The following MARCOL variants were observed in gnomAD, a reference collection of about 807,000 sequenced individuals.
The protein encoded by MARCOL is MARCO like.
intron 1 of MARCOL, 139 bp from the exon 2 acceptor site, chr5:148,242,307 A>G: frequency 2.6e-6 from 1 of 387,694 alleles, no homozygotes; most frequent in Non-Finnish European, 4.6e-6. Context: ...AAGAATGAGA[A>G]GATTCTATCT....
rs1310277041 is a variant in MARCOL at position 148,240,629 on chromosome 5, GAA to G, written c.50-1815_50-1814del. Among the ~76,000 whole-genome samples, 8 of 151,840 alleles carry G rather than the reference GAA, an allele frequency of 5.3e-5. No individual in the cohort carries two copies. The East Asian group carries it at 1.2e-3, about 22-fold the overall frequency. ...ACTCGTGTCACCTGTTAAAAAAACT[GAA>G]AGTCATTAATAAAAATATGTTACCA... On this transcript the variant is annotated intron_variant, in intron 1 of 1. Transcript: ENST00000638089.
chr5:148,243,284 T>G lies in MARCOL; in HGVS notation c.*30T>G. ...CTAGCCAGCAAGGGAATATAGGATC[T>G]CCTAGCCAACAGGAGAAGCCAGAGT... On this transcript the variant is annotated 3_prime_UTR_variant, in exon 2 of 2. Transcript: ENST00000638089. The G allele has an allele frequency of 2.5e-6, 1 of 397,120 alleles. No homozygotes were observed. Among genetic ancestry groups the G allele is most frequent in the Admixed American group, 4.4e-5 (1 of 22,588 alleles). The allele number at this position is 397,120 out of a possible 1,614,324, so 24.6% of individuals were successfully genotyped here.
chr5:148,242,603 G>A lies in MARCOL; in HGVS notation c.207G>A (p.Thr69=), dbSNP rs895604978. 7.5e-6 allele frequency: 3 copies of A among 398,162 alleles called. No homozygotes were observed. Among genetic ancestry groups the A allele is most frequent in the African/African-American group, 4.1e-5 (2 of 48,568 alleles). 24.7% of individuals were successfully genotyped at this position (398,162 alleles called of 1,614,324 possible). Residue 69 remains threonine (T), a synonymous_variant, in exon 2 of 2, where the codon ACG becomes ACA. Transcript: ENST00000638089. The stretch of plus-strand genomic sequence containing the variant: ...GTTATACACAAGGAAATCCAGGAAC[G>A]TTTAGGCTTCAAGGACAACCAGGCT... ...GGSYTQGNPG[T]FRLQGQPGYF...
At chr5:148,240,803 A>G (rs912525588) in intron 1 of MARCOL, among the ~76,000 whole-genome samples, 7 of 151,930 alleles carry the variant, frequency 4.6e-5, no homozygotes, top group African/African-American at 1.7e-4. Context: ...ATTTTTTCTC[A>G]TTAATTTCTC....
intron 1 of MARCOL, among the ~76,000 whole-genome samples, chr5:148,241,680 A>C (rs1175648446): frequency 6.6e-6 from 1 of 152,088 alleles, no homozygotes; most frequent in African/African-American, 2.4e-5. Flanking sequence ...CATACACACA[A>C]TTACATATAT....
chr5:148,243,555 T>A lies in MARCOL; in HGVS notation c.*301T>A. On this transcript the variant is annotated 3_prime_UTR_variant, in exon 2 of 2. Coordinates refer to ENST00000638089, the MANE Select transcript of MARCOL (RefSeq NM_001363511.2). ...TAGCCATCAGAGAAAATTAAGGTCA[T>A]TTTACAACCAACGACAAAGAAAAAA... 3.3e-6 allele frequency: 1 copy of A among 303,282 alleles called. No homozygotes were observed. Among genetic ancestry groups the A allele is most frequent in the Non-Finnish European group, 6.0e-6 (1 of 166,418 alleles). The allele number at this position is 303,282 out of a possible 1,614,324, so 18.8% of individuals were successfully genotyped here.
chr5:148,242,054 C>T (rs1755971849), intron 1 of MARCOL, among the ~76,000 whole-genome samples: 1 of 152,088 alleles, frequency 6.6e-6, no homozygotes, highest in Admixed American at 6.6e-5. Context: ...TAAAGTGAAG[C>T]TGGAAAATTA....
In MARCOL at chr5:148,243,087, C is replaced by G. The variant is rs76423020; in HGVS notation, c.691C>G (p.Pro231Ala). ...AGGAACTTCTGGCCAACAGGAGAAG[C>G]CAGGATCTTCTAGCCAACAGGGGAA... is the stretch of plus-strand genomic sequence containing the variant. Reference protein sequence around the residue: ...NLGTSGQQEKPGSSSQQGKPG... With the variant: ...NLGTSGQQEKAGSSSQQGKPG... Residue 231 changes from proline to alanine, a missense_variant, in exon 2 of 2, where the codon CCA becomes GCA. By Grantham distance (27) the Pro-to-Ala change is conservative. Coordinates refer to ENST00000638089, the MANE Select transcript of MARCOL (RefSeq NM_001363511.2). 3.3e-3 allele frequency: 1,318 copies of G among 396,628 alleles called. 37 individuals are homozygous for G. In the East Asian group the frequency reaches 0.047, roughly 14 times the overall value. The allele number at this position is 396,628 out of a possible 1,614,324, so 24.6% of individuals were successfully genotyped here. A position where few individuals can be genotyped will look rare whatever the true frequency, so the allele number is the denominator to read the frequency against.
chr5:148,241,182 C>G (rs1008956864), intron 1 of MARCOL, among the ~76,000 whole-genome samples: 21 of 151,840 alleles, frequency 1.4e-4, no homozygotes, highest in Admixed American at 5.9e-4. Context: ...TGACTAGGAC[C>G]TTAATCACCT....
intron 1 of MARCOL, among the ~76,000 whole-genome samples, chr5:148,239,026 A>T (rs1235039741): frequency 1.3e-5 from 2 of 152,068 alleles, no homozygotes; most frequent in Non-Finnish European, 2.9e-5. Flanking sequence ...AATGTGTTCA[A>T]ATCTTGATGT....
intron 1 of MARCOL, among the ~76,000 whole-genome samples, chr5:148,241,576 T>C (rs1259979503): frequency 6.6e-6 from 1 of 150,738 alleles, no homozygotes; most frequent in Non-Finnish European, 1.5e-5. Context: ...AATACTCTTA[T>C]ACTTAGCTCT....
Position 148,243,390 on chromosome 5 carries a change from T to G in MARCOL, c.*136T>G, listed in dbSNP as rs919322141. On this transcript the variant is annotated 3_prime_UTR_variant, in exon 2 of 2. Coordinates refer to ENST00000638089, the MANE Select transcript of MARCOL (RefSeq NM_001363511.2). ...ATCTAGCCAACAAGGGAAGCCAGTGTCATCTAGCCAACAAGGGAAGCCAGG... is the reference window on the plus strand; with the variant it reads ...ATCTAGCCAACAAGGGAAGCCAGTGGCATCTAGCCAACAAGGGAAGCCAGG... 5.0e-6 allele frequency: 2 copies of G among 397,198 alleles called. No homozygotes were observed. Among genetic ancestry groups the G allele is most frequent in the Non-Finnish European group, 8.9e-6 (2 of 225,790 alleles). 24.6% of individuals were successfully genotyped at this position (397,198 alleles called of 1,614,324 possible).
Position 148,242,687 on chromosome 5 carries a change from C to A in MARCOL, c.291C>A (p.Asn97Lys), listed in dbSNP as rs558085215. 2 of 398,362 alleles carry A rather than the reference C, an allele frequency of 5.0e-6. No homozygotes were observed. Among genetic ancestry groups the A allele is most frequent in the Admixed American group, 8.8e-5 (2 of 22,684 alleles). 24.7% of individuals were successfully genotyped at this position (398,362 alleles called of 1,614,324 possible). The change falls in exon 2 of 2, where the codon AAC becomes AAA. Residue 97 changes from asparagine to lysine, a missense_variant. Asn to Lys is a moderately conservative substitution (Grantham distance 94, BLOSUM62 0). Transcript: ENST00000638089. ...HFKQGRAGVLNQPGILKNSGK... is the reference protein window; with the variant it reads ...HFKQGRAGVLKQPGILKNSGK... Reference sequence around the variant, plus strand: ...AGCAAGGGAGAGCAGGAGTTTTAAACCAGCCTGGGATTTTAAAGAATTCAG... The same window carrying A: ...AGCAAGGGAGAGCAGGAGTTTTAAAACAGCCTGGGATTTTAAAGAATTCAG...
chr5:148,241,799 T>G (rs1755969149), intron 1 of MARCOL, among the ~76,000 whole-genome samples: 1 of 151,984 alleles, frequency 6.6e-6, no homozygotes, highest in Non-Finnish European at 1.5e-5. Context: ...TTGACCAAAA[T>G]AGAAAGAAGA....
chr5:148,240,368 T>C (rs1357620720), intron 1 of MARCOL, among the ~76,000 whole-genome samples: 1 of 151,888 alleles, frequency 6.6e-6, no homozygotes, highest in Non-Finnish European at 1.5e-5. Flanking sequence ...TGAATAATTA[T>C]ATTCATATAT....
chr5:148,242,169 T>A (rs1446324323), intron 1 of MARCOL, among the ~76,000 whole-genome samples: 1 of 152,124 alleles, frequency 6.6e-6, no homozygotes, highest in Non-Finnish European at 1.5e-5. Context: ...TAGAATGAAG[T>A]CTCAATTCAA....
At chr5:148,242,264 C>T (rs1468645955) in intron 1 of MARCOL, among the ~76,000 whole-genome samples, 182 bp from the exon 2 acceptor site, 2 of 151,910 alleles carry the variant, frequency 1.3e-5, no homozygotes, top group African/African-American at 4.8e-5. Flanking sequence ...GTAAAGAAAA[C>T]AAAGGAGGAA....
intron 1 of MARCOL, among the ~76,000 whole-genome samples, chr5:148,240,797 T>C (rs954101540): frequency 6.6e-6 from 1 of 151,940 alleles, no homozygotes; most frequent in African/African-American, 2.4e-5. Flanking sequence ...AAAAATATTT[T>C]TTCTCATTAA....
At position 148,243,007 on chromosome 5, in the gene MARCOL, C is replaced by G; in HGVS notation, c.611C>G (p.Pro204Arg). The change falls in exon 2 of 2, where the codon CCA becomes CGA. Residue 204 changes from proline (P) to arginine (R), a missense_variant. Physicochemically the swap from Pro to Arg is moderately radical, Grantham distance 103. Coordinates refer to ENST00000638089, the MANE Select transcript of MARCOL (RefSeq NM_001363511.2). ...GGTTTATCTAGCCATCAAGGGAAGCCAGAGTCATCTGGCCAACAGGGGAAG... is the reference window on the plus strand; with the variant it reads ...GGTTTATCTAGCCATCAAGGGAAGCGAGAGTCATCTGGCCAACAGGGGAAG... ...HLGLSSHQGKPESSGQQGKPG... is the reference protein window; with the variant it reads ...HLGLSSHQGKRESSGQQGKPG... The G allele has an allele frequency of 2.5e-6, 1 of 398,654 alleles. No homozygotes were observed. The highest frequency in any genetic ancestry group is 4.4e-6 in the Non-Finnish European group (1 of 226,030). The allele number at this position is 398,654 out of a possible 1,614,324, so 24.7% of individuals were successfully genotyped here.
Sources: allele counts gnomAD v4.1 joint callset (sites outside exome capture counted in the v4.1 genomes callset), GRCh38; gene constraint gnomAD v4.1.1; transcripts MANE v1.5; gene names NCBI Gene and HGNC (gene_info 2026-07-23, HGNC 2026-07-21).